Variants in KLC1 observed in about 807,000 individuals in gnomAD.
KLC1 encodes the protein kinesin 2 60/70kDa.
In KLC1, 30 loss-of-function variants were observed where a neutral mutation model predicts 84.2. The observed-to-expected ratio is 0.36, with a 90% CI of 0.27 to 0.48. KLC1 has a LOEUF of 0.48. Ranked by LOEUF, KLC1 falls within the 20% of genes least tolerant of loss-of-function variation. KLC1 has a pLI of 0.99. For synonymous variants in KLC1, 289 were observed against 293.3 expected, an observed-to-expected ratio of 0.99 and a Z score of 0.15; for missense variants, 499 against 805.4, an observed-to-expected ratio of 0.62 and a Z score of 4.60.
chr14:103,632,542 C>T (rs1414015945), intron 1 of KLC1, among the ~76,000 whole-genome samples: 1 of 151,974 alleles, frequency 6.6e-6, no homozygotes, highest in East Asian at 1.9e-4. Context: ...ATGGTGAAAC[C>T]CTGTCTCTAC....
At chr14:103,672,650 C>CTTT (rs1279255160) in intron 7 of KLC1, among the ~76,000 whole-genome samples, 2 of 152,148 alleles carry the variant, frequency 1.3e-5, no homozygotes, top group Non-Finnish European at 2.9e-5. Context: ...TCTTCAGAAG[C>CTTT]TGGCAGTAAA....
chr14:103,682,668 A>G (rs2081455140), intron 13 of KLC1: 1 of 152,056 alleles, frequency 6.6e-6, no homozygotes, highest in African/African-American at 2.4e-5. Context: ...TGGGTGACAG[A>G]GCAAGAGTGT....
intron 9 of KLC1, among the ~76,000 whole-genome samples, chr14:103,674,699 G>C (rs1304469114): frequency 6.6e-6 from 1 of 152,202 alleles, no homozygotes; most frequent in Non-Finnish European, 1.5e-5. Context: ...ACAGGTGTGA[G>C]CCACTGCACC....
intron 5 of KLC1, among the ~76,000 whole-genome samples, chr14:103,668,714 C>A (rs956511268): frequency 6.6e-6 from 1 of 152,024 alleles, no homozygotes; most frequent in African/African-American, 2.4e-5. Context: ...CTTCTGACCT[C>A]GTGATCCGCC....
chr14:103,689,771 C>G (rs11846404), intron 14 of KLC1, among the ~76,000 whole-genome samples: 42,544 of 152,100 alleles, frequency 0.28, 6,708 homozygotes, highest in East Asian at 0.35. Flanking sequence ...GTTTTGAATG[C>G]CACGTGTTCA....
At chr14:103,679,656 G>A (rs2081196727) in intron 13 of KLC1, 111 bp downstream of exon 13, 1 of 732,040 alleles carries the variant, frequency 1.4e-6, no homozygotes, top group Admixed American at 2.7e-5. Flanking sequence ...CAAATTAAGT[G>A]CCAATTAAGC....
At chr14:103,637,133 G>A (rs578191019) in intron 1 of KLC1, among the ~76,000 whole-genome samples, 12 of 151,690 alleles carry the variant, frequency 7.9e-5, no homozygotes, top group South Asian at 4.2e-4. Flanking sequence ...TATATGTGTC[G>A]CAAATATTTT....
At chr14:103,659,698 C>G in intron 3 of KLC1, among the ~76,000 whole-genome samples, 1 of 152,166 alleles carries the variant, frequency 6.6e-6, no homozygotes, top group East Asian at 1.9e-4. Flanking sequence ...GAATCCCCAT[C>G]CTAAGACTAC....
At chr14:103,631,119 C>CGCCCGGGCTGGAGTGTA (rs1207110677) in intron 1 of KLC1, among the ~76,000 whole-genome samples, 1 of 150,788 alleles carries the variant, frequency 6.6e-6, no homozygotes, top group African/African-American at 2.4e-5. Flanking sequence ...CTCGCTCTGT[C>CGCCCGGGCTGGAGTGTA]GCCCGGGCTG....
intron 1 of KLC1, among the ~76,000 whole-genome samples, chr14:103,637,470 C>T (rs1427063323): frequency 1.3e-5 from 2 of 151,362 alleles, no homozygotes; most frequent in Non-Finnish European, 2.9e-5. Flanking sequence ...GCAGAGGTTG[C>T]AGTGAGTCGA....
In KLC1 at chr14:103,677,498, A is replaced by C. The variant is rs759074612; in HGVS notation, c.1463A>C (p.Glu488Ala). 16 of 1,613,762 alleles carry C rather than the reference A, an allele frequency of 9.9e-6. No homozygotes were observed. In the Admixed American group the frequency reaches 1.3e-4, roughly 13 times the overall value. Reference sequence around the variant, plus strand: ...TTTGAAGCTGCAGAAACGTTAGAAGAAGCTGCTATGAGGTCTCGTAAACAG... The same window carrying C: ...TTTGAAGCTGCAGAAACGTTAGAAGCAGCTGCTATGAGGTCTCGTAAACAG... ...GKFEAAETLE[E>A]AAMRSRKQGL... Residue 488 changes from glutamate to alanine, a missense_variant, in exon 12 of 17, where the codon GAA becomes GCA. By Grantham distance (107) the Glu-to-Ala change is moderately radical (BLOSUM62 -1). Transcript: ENST00000334553.
chr14:103,701,263 ACAGCCAGG>A lies in KLC1; in HGVS notation c.*65_*72del, dbSNP rs1353353387. On this transcript the variant is annotated 3_prime_UTR_variant, in exon 17 of 17. Transcript: ENST00000334553. ...GAGTGTGGCCCGGAGCTGGCCCGGG[ACAGCCAGG>A]GCGGCAGGGAGGGCCCCTGGCCGGG... 6.5e-7 allele frequency: 1 copy of A among 1,533,240 alleles called. No individual in the cohort carries two copies. Among genetic ancestry groups the A allele is most frequent in the Non-Finnish European group, 8.8e-7 (1 of 1,134,314 alleles). The allele number at this position is 1,533,240 out of a possible 1,614,324, so 95.0% of individuals were successfully genotyped here. A position where few individuals can be genotyped will look rare whatever the true frequency, so the allele number is the denominator to read the frequency against.
intron 16 of KLC1, 29 bp from the exon 17 acceptor site, chr14:103,701,172 C>T (rs947032782): frequency 1.7e-5 from 27 of 1,550,082 alleles, no homozygotes; most frequent in Non-Finnish European, 2.4e-5. Flanking sequence ...TTTGGCGGCC[C>T]AGCCCTGACC....
intron 13 of KLC1, chr14:103,684,077 C>T (rs2151804370): frequency 6.6e-6 from 1 of 152,320 alleles, no homozygotes; most frequent in East Asian, 1.9e-4. Flanking sequence ...ACTCAGGAGG[C>T]TGAGGCAGGG....
intron 1 of KLC1, among the ~76,000 whole-genome samples, chr14:103,650,709 G>T (rs1205894094): frequency 6.6e-6 from 1 of 151,338 alleles, no homozygotes; most frequent in Non-Finnish European, 1.5e-5. Context: ...CTCCCGAGTA[G>T]CTGGGATTGC....
At chr14:103,664,403 C>CAGAA (rs1160303804) in intron 5 of KLC1, among the ~76,000 whole-genome samples, 4 of 152,108 alleles carry the variant, frequency 2.6e-5, no homozygotes, top group Non-Finnish European at 4.4e-5. Flanking sequence ...CCTTCTGTCT[C>CAGAA]GGCCTCCCAA....
At chr14:103,659,688 G>A (rs569057817) in intron 3 of KLC1, among the ~76,000 whole-genome samples, 41 of 152,238 alleles carry the variant, frequency 2.7e-4, no homozygotes, top group African/African-American at 7.9e-4. Flanking sequence ...TGTCTCGTTC[G>A]AATCCCCATC....
chr14:103,653,657 G>A (rs966220030), intron 1 of KLC1, among the ~76,000 whole-genome samples: 1 of 152,198 alleles, frequency 6.6e-6, no homozygotes, highest in African/African-American at 2.4e-5. Context: ...TATTCAAGGT[G>A]ACATTAGACA....
At chr14:103,662,558 C>G in intron 4 of KLC1, 144 bp from the exon 5 acceptor site, 1 of 659,078 alleles carries the variant, frequency 1.5e-6, no homozygotes, top group Non-Finnish European at 2.5e-6. Context: ...CCTGCCTGCC[C>G]AGACAGTACT....
Sources: gnomAD v4.1 joint callset for allele counts (sites outside exome capture counted in the v4.1 genomes callset) on GRCh38, gnomAD v4.1.1 for gene constraint, MANE v1.5 for transcripts, NCBI Gene and HGNC (gene_info 2026-07-23, HGNC 2026-07-21) for gene names.